The following GRID2 variants were observed in gnomAD, a reference collection of about 807,000 sequenced individuals.
GRID2 encodes glutamate ionotropic receptor delta type subunit 2.
GRID2 carries 33 observed loss-of-function variants against 114.8 expected under a neutral mutation model. The observed-to-expected ratio is 0.29, with a 90% CI of 0.22 to 0.38. The LOEUF (loss-of-function observed/expected upper bound fraction) is 0.38. GRID2 is among the 10% of genes least tolerant of loss of function. The pLI, the probability that GRID2 is intolerant of heterozygous loss-of-function variation, is 1.00. For synonymous variants in GRID2, 505 were observed against 449.9 expected, an observed-to-expected ratio of 1.12 and a Z score of -1.55; for missense variants, 1,184 against 1,257.7, an observed-to-expected ratio of 0.94 and a Z score of 0.89.
At chr4:92,343,414 T>C (rs138531494) in intron 1 of GRID2, among the ~76,000 whole-genome samples, 21 of 152,232 alleles carry the variant, frequency 1.4e-4, no homozygotes, top group African/African-American at 4.6e-4. Context: ...GAGATTGTGG[T>C]ACTGACCCCC....
At chr4:93,040,447 G>GA (rs896024818) in intron 2 of GRID2, among the ~76,000 whole-genome samples, 12 of 152,102 alleles carry the variant, frequency 7.9e-5, no homozygotes, top group African/African-American at 2.4e-4. Context: ...AGTTTAACAA[G>GA]ATTTAATTGT....
chr4:93,730,609 G>A (rs1172560781), intron 14 of GRID2, among the ~76,000 whole-genome samples: 1 of 152,224 alleles, frequency 6.6e-6, no homozygotes, highest in Non-Finnish European at 1.5e-5. Context: ...TGGTCAAGAT[G>A]AGGTAGATCA....
chr4:92,825,859 A>C (rs1039753769), intron 2 of GRID2, among the ~76,000 whole-genome samples: 2 of 152,042 alleles, frequency 1.3e-5, no homozygotes, highest in Non-Finnish European at 2.9e-5. Flanking sequence ...GAACTACTTA[A>C]TTCATTTTCT....
chr4:93,380,176 G>T (rs1024885803), intron 8 of GRID2, among the ~76,000 whole-genome samples: 1 of 152,020 alleles, frequency 6.6e-6, no homozygotes, highest in Non-Finnish European at 1.5e-5. Flanking sequence ...AAATCTAATG[G>T]CAAGTATCTT....
At chr4:93,020,015 GAC>G (rs1399545178) in intron 2 of GRID2, among the ~76,000 whole-genome samples, 4 of 152,118 alleles carry the variant, frequency 2.6e-5, no homozygotes, top group African/African-American at 9.7e-5. Flanking sequence ...TTAATTCTGT[GAC>G]ACTGGACATG....
chr4:93,121,912 C>T (rs1021724311), intron 4 of GRID2, among the ~76,000 whole-genome samples: 2 of 152,016 alleles, frequency 1.3e-5, no homozygotes, highest in African/African-American at 2.4e-5. Flanking sequence ...TTATTTGCTT[C>T]GAGGATATTT....
At chr4:92,723,916 T>C (rs754608480) in intron 2 of GRID2, among the ~76,000 whole-genome samples, 1 of 152,124 alleles carries the variant, frequency 6.6e-6, no homozygotes. Flanking sequence ...GCTATTAAAA[T>C]CATAATTATT....
intron 2 of GRID2, among the ~76,000 whole-genome samples, chr4:92,613,411 G>A (rs758483276): frequency 1.6e-4 from 24 of 151,192 alleles, no homozygotes; most frequent in Non-Finnish European, 3.4e-4. Context: ...GTATTTCTTT[G>A]GTATTTTAAT....
chr4:92,327,623 C>CATAAAACA (rs1560569423), intron 1 of GRID2, among the ~76,000 whole-genome samples: 57 of 151,892 alleles, frequency 3.8e-4, no homozygotes, highest in African/African-American at 1.4e-3. Context: ...AACCAATATT[C>CATAAAACA]TTCCCTTATT....
At chr4:93,112,893 C>T (rs1440876065) in intron 4 of GRID2, among the ~76,000 whole-genome samples, 1 of 152,168 alleles carries the variant, frequency 6.6e-6, no homozygotes, top group Admixed American at 6.5e-5. Flanking sequence ...TCTATAAGGA[C>T]ATCAGTCGTT....
intron 2 of GRID2, among the ~76,000 whole-genome samples, chr4:92,819,415 G>A (rs991729751): frequency 6.6e-6 from 1 of 152,074 alleles, no homozygotes; most frequent in Non-Finnish European, 1.5e-5. Context: ...ATGTATGGGG[G>A]CGGCATGAAG....
At chr4:92,314,359 G>A (rs920316784) in intron 1 of GRID2, among the ~76,000 whole-genome samples, 1 of 151,890 alleles carries the variant, frequency 6.6e-6, no homozygotes, top group African/African-American at 2.4e-5. Flanking sequence ...TTCTGTTAGT[G>A]GTATTAAAAT....
At chr4:92,984,648 C>T (rs778107440) in intron 2 of GRID2, among the ~76,000 whole-genome samples, 1 of 152,146 alleles carries the variant, frequency 6.6e-6, no homozygotes, top group Non-Finnish European at 1.5e-5. Context: ...AAGTGAATAG[C>T]CTACTGATTC....
intron 9 of GRID2, among the ~76,000 whole-genome samples, chr4:93,403,528 A>G (rs578044605): frequency 1.1e-4 from 16 of 152,302 alleles, no homozygotes; most frequent in Non-Finnish European, 2.2e-4. Flanking sequence ...GTATGAAGAA[A>G]TATAAACAAA....
intron 1 of GRID2, among the ~76,000 whole-genome samples, chr4:92,415,726 G>A (rs7434633): frequency 1.7e-4 from 16 of 92,456 alleles, no homozygotes; most frequent in Admixed American, 1.6e-3. Context: ...GTGTGTGTGT[G>A]TGTGTGTATG....
At chr4:92,711,267 C>G (rs1196203703) in intron 2 of GRID2, among the ~76,000 whole-genome samples, 1 of 152,186 alleles carries the variant, frequency 6.6e-6, no homozygotes, top group Non-Finnish European at 1.5e-5. Flanking sequence ...GCCTGCTAAG[C>G]AGACCTACTT....
intron 4 of GRID2, among the ~76,000 whole-genome samples, chr4:93,111,744 T>C (rs1732783163): frequency 7.5e-6 from 1 of 132,886 alleles, no homozygotes. Context: ...AATTTATTTG[T>C]TTAATACTTT....
At chr4:93,544,584 C>A (rs200381078) in intron 13 of GRID2, among the ~76,000 whole-genome samples, 2 of 151,806 alleles carry the variant, frequency 1.3e-5, no homozygotes, top group Non-Finnish European at 2.9e-5. Context: ...TCGAGACCAG[C>A]CTGACCAACA....
chr4:92,962,055 C>T (rs1367475373), intron 2 of GRID2, among the ~76,000 whole-genome samples: 14 of 151,704 alleles, frequency 9.2e-5, no homozygotes, highest in Non-Finnish European at 4.4e-5. Context: ...CCTACATTGC[C>T]CATCTGTTCT....
Sources: gnomAD v4.1 joint callset for allele counts (sites outside exome capture counted in the v4.1 genomes callset) on GRCh38, gnomAD v4.1.1 for gene constraint, MANE v1.5 for transcripts, NCBI Gene and HGNC (gene_info 2026-07-23, HGNC 2026-07-21) for gene names.